The following FAT4 variants were observed in gnomAD, a reference collection of about 807,000 sequenced individuals.
FAT4 encodes the protein protocadherin Fat 4.
In FAT4, 84 loss-of-function variants were observed where a neutral mutation model predicts 303.9. The ratio of observed to expected loss-of-function variants is 0.28; its 90% confidence interval spans 0.23 to 0.33. The LOEUF (loss-of-function observed/expected upper bound fraction) is 0.33, where lower values mean the gene tolerates loss of function less well. Among genes scored for constraint, FAT4 ranks in the 10% least tolerant of loss-of-function variants. The probability of loss-of-function intolerance (pLI) is 1.00; values close to 1 mark genes in which losing one functional copy is unlikely to be tolerated. For synonymous variants in FAT4, 2,307 were observed against 2,298.8 expected, an observed-to-expected ratio of 1.00 and a Z score of -0.10; for missense variants, 6,005 against 6,146.8, an observed-to-expected ratio of 0.98 and a Z score of 0.77.
chr4:125,319,797 T>C lies in FAT4; in HGVS notation c.3386T>C (p.Phe1129Ser). Residue 1129 changes from phenylalanine (F) to serine (S), a missense_variant, in exon 2 of 18, where the codon TTT (phenylalanine) becomes TCT (serine). Coordinates refer to ENST00000394329, the MANE Select transcript of FAT4 (RefSeq NM_001291303.3). ...AAAGTAAGTGCTGTAGATAAAGACTTTGGGCCAAATGGAGAAGTAAGGTAT... is the reference window on the plus strand; with the variant it reads ...AAAGTAAGTGCTGTAGATAAAGACTCTGGGCCAAATGGAGAAGTAAGGTAT... ...VGKVSAVDKD[F>S]GPNGEVRYSF... 6.2e-7 allele frequency: 1 copy of C among 1,614,152 alleles called. No individual in the cohort carries two copies. The highest frequency in any genetic ancestry group is 8.5e-7 in the Non-Finnish European group (1 of 1,180,020).
At chr4:125,349,969 C>T (rs916469754) in intron 2 of FAT4, among the ~76,000 whole-genome samples, 2 of 151,492 alleles carry the variant, frequency 1.3e-5, no homozygotes, top group East Asian at 1.9e-4. Flanking sequence ...TTGTAACTGT[C>T]GTCAGTTTTT....
chr4:125,452,953 A>C (rs946962555), intron 10 of FAT4, 143 bp downstream of exon 10: 2 of 1,068,790 alleles, frequency 1.9e-6, no homozygotes, highest in Non-Finnish European at 2.7e-6. Context: ...CTGTTGGTCA[A>C]ATACTGTTCT....
chr4:125,326,800 C>A (rs1241629040), intron 2 of FAT4, among the ~76,000 whole-genome samples: 1 of 152,136 alleles, frequency 6.6e-6, no homozygotes, highest in Non-Finnish European at 1.5e-5. Flanking sequence ...CCAAGGCAGA[C>A]AATTCCTTGA....
rs766004499 is a variant in FAT4, at chr4:125,477,255, G to T, written c.12400G>T (p.Gly4134Trp). ...ACACGTGGAAAGCCATGATTTTGTTGGGTGTATAATGGAGTTTGCAGTCAA... is the reference window on the plus strand; with the variant it reads ...ACACGTGGAAAGCCATGATTTTGTTTGGTGTATAATGGAGTTTGCAGTCAA... ...RGHVESHDFV[G>W]CIMEFAVNGR... The change falls in exon 14 of 18, where the codon GGG becomes TGG. Residue 4134 changes from glycine to tryptophan, a missense_variant. Coordinates refer to ENST00000394329, the MANE Select transcript of FAT4 (RefSeq NM_001291303.3). The T allele has an allele frequency of 3.8e-6, 6 of 1,564,756 alleles. No individual in the cohort carries two copies.
At chr4:125,481,315 C>G (rs1002614470) in intron 15 of FAT4, among the ~76,000 whole-genome samples, 1 of 152,062 alleles carries the variant, frequency 6.6e-6, no homozygotes, top group Non-Finnish European at 1.5e-5. Context: ...ATTTTAAGTT[C>G]ATGGTTCTGA....
intron 2 of FAT4, among the ~76,000 whole-genome samples, chr4:125,344,024 G>C (rs1013205241): frequency 3.3e-5 from 5 of 152,070 alleles, no homozygotes; most frequent in Admixed American, 6.6e-5. Context: ...TTAGGAGAGA[G>C]AGCCTTTATT....
At chr4:125,409,957 T>G (rs972567205) in intron 5 of FAT4, among the ~76,000 whole-genome samples, 2 of 152,108 alleles carry the variant, frequency 1.3e-5, no homozygotes. Context: ...AATTTAGAAT[T>G]GCCTTATTCT....
chr4:125,396,951 TATATATATATATATAA>T (rs1255829040), intron 2 of FAT4, among the ~76,000 whole-genome samples: 6 of 107,622 alleles, frequency 5.6e-5, no homozygotes, highest in African/African-American at 2.0e-4. Flanking sequence ...TATATATATA[TATATATATATATATAA>T]AATATGTATG....
At chr4:125,322,384 C>T (rs1267253527) in intron 2 of FAT4, among the ~76,000 whole-genome samples, 2 of 152,178 alleles carry the variant, frequency 1.3e-5, no homozygotes, top group Non-Finnish European at 2.9e-5. Flanking sequence ...GCTCAGCCTT[C>T]CCTGGAGTGT....
At chr4:125,459,826 G>A (rs1726421837) in intron 10 of FAT4, among the ~76,000 whole-genome samples, 2 of 152,008 alleles carry the variant, frequency 1.3e-5, no homozygotes, top group South Asian at 2.1e-4. Context: ...TGTACCAAGA[G>A]CATGTTAGAG....
chr4:125,449,422 G>A lies in FAT4; in HGVS notation c.8412G>A (p.Gly2804=). ...TRVTTSDEDI[G]INAISRYSIM... is the part of the protein sequence containing the mutation. ...TCACAACTTCTGATGAAGACATTGG[G>A]ATCAATGCAATTAGTAGATATTCTA... The change falls in exon 10 of 18, where the codon GGG becomes GGA. Residue 2804 remains glycine (G), a synonymous_variant. Transcript: ENST00000394329. 1 of 1,613,732 alleles carries A rather than the reference G, an allele frequency of 6.2e-7. No homozygotes were observed. Among genetic ancestry groups the A allele is most frequent in the Non-Finnish European group, 8.5e-7 (1 of 1,179,818 alleles).
At chr4:125,376,683 T>C (rs527858743) in intron 2 of FAT4, among the ~76,000 whole-genome samples, 49 of 152,246 alleles carry the variant, frequency 3.2e-4, no homozygotes, top group Non-Finnish European at 5.6e-4. Flanking sequence ...GCGGATCACC[T>C]GAGGTCGGGA....
chr4:125,328,931 A>G (rs1464777421), intron 2 of FAT4, among the ~76,000 whole-genome samples: 1 of 151,432 alleles, frequency 6.6e-6, no homozygotes, highest in Non-Finnish European at 1.5e-5. Flanking sequence ...CTCACCATGT[A>G]AAAAGTTGTT....
chr4:125,337,714 T>A (rs1458537200), intron 2 of FAT4, among the ~76,000 whole-genome samples: 2 of 152,114 alleles, frequency 1.3e-5, no homozygotes, highest in African/African-American at 4.8e-5. Flanking sequence ...TTATTACATA[T>A]AAAATTTTCC....
chr4:125,442,834 TA>T (rs1725704717), intron 8 of FAT4, among the ~76,000 whole-genome samples: 1 of 152,092 alleles, frequency 6.6e-6, no homozygotes, highest in Non-Finnish European at 1.5e-5. Context: ...TATACATATA[TA>T]TTATATAGGT....
chr4:125,414,255 A>T (rs1734954892), intron 5 of FAT4, among the ~76,000 whole-genome samples: 1 of 152,116 alleles, frequency 6.6e-6, no homozygotes. Context: ...AAAAATCAAC[A>T]GTATCTAAAT....
chr4:125,371,767 G>GT (rs1245619558), intron 2 of FAT4, among the ~76,000 whole-genome samples: 1 of 151,572 alleles, frequency 6.6e-6, no homozygotes, highest in Non-Finnish European at 1.5e-5. Context: ...TACAGATAGA[G>GT]TTTTTTGTGA....
intron 2 of FAT4, among the ~76,000 whole-genome samples, chr4:125,340,709 A>G (rs1178691905): frequency 1.3e-5 from 2 of 152,182 alleles, no homozygotes; most frequent in Non-Finnish European, 2.9e-5. Flanking sequence ...AGTTCTTTGA[A>G]GTAGTAGTTG....
rs369028314 is a variant in FAT4, at chr4:125,414,995, A to T, written c.6032A>T (p.Gln2011Leu). The T allele has an allele frequency of 1.2e-6, 2 of 1,614,058 alleles. No individual in the cohort carries two copies. The highest frequency in any genetic ancestry group is 1.7e-6 in the Non-Finnish European group (2 of 1,179,970). Residue 2011 changes from glutamine (Q) to leucine (L), a missense_variant, in exon 6 of 18, where the codon CAG becomes CTG. Physicochemically the swap from Gln to Leu is moderately radical, Grantham distance 113. Transcript: ENST00000394329. ...KVLKALDRES[Q>L]SFYNLVVQVH... The stretch of plus-strand genomic sequence containing the variant: ...CTAAAAGCTTTGGATCGGGAAAGTC[A>T]GTCCTTCTACAACTTGGTTGTTCAA...
Sources: gnomAD v4.1 joint callset for allele counts (sites outside exome capture counted in the v4.1 genomes callset) on GRCh38, gnomAD v4.1.1 for gene constraint, MANE v1.5 for transcripts, NCBI Gene and HGNC (gene_info 2026-07-23, HGNC 2026-07-21) for gene names.